The following NCOA2 variants were observed in gnomAD, a reference collection of about 807,000 sequenced individuals.
NCOA2 encodes nuclear receptor coactivator 2, also known as class E basic helix-loop-helix protein 75.
A neutral mutation model predicts 145.1 loss-of-function variants in NCOA2; 21 were observed. The observed-to-expected ratio is 0.14, with a 90% CI of 0.10 to 0.21. NCOA2 has a LOEUF of 0.21. NCOA2 is among the 10% of genes least tolerant of loss of function. NCOA2 has a pLI of 1.00. For synonymous variants in NCOA2, 619 were observed against 637.5 expected (o/e 0.97, Z 0.44); for missense variants, 1,472 against 1,837.6 (o/e 0.80, Z 3.64).
chr8:70,189,886 C>CT, intron 4 of NCOA2, among the ~76,000 whole-genome samples: 1 of 152,284 alleles, frequency 6.6e-6, no homozygotes, highest in East Asian at 1.9e-4. Flanking sequence ...GAAGACTCCA[C>CT]TTGTTTGGAG....
At chr8:70,126,759 G>T in intron 19 of NCOA2, 54 bp downstream of exon 19, 1 of 1,445,428 alleles carries the variant, frequency 6.9e-7, no homozygotes, top group Non-Finnish European at 9.7e-7. Context: ...CCAACACTGG[G>T]GGACACTGGG....
intron 13 of NCOA2, among the ~76,000 whole-genome samples, chr8:70,144,300 C>T (rs563669861): frequency 1.3e-5 from 2 of 152,206 alleles, no homozygotes; most frequent in Middle Eastern, 3.4e-3. Flanking sequence ...ATAATCAATC[C>T]ATAAGTTTTT....
chr8:70,213,792 A>T (rs567198807), intron 4 of NCOA2, 111 bp downstream of exon 4: 121 of 863,542 alleles, frequency 1.4e-4, no homozygotes, highest in Non-Finnish European at 2.0e-4. Context: ...TCATTTCCTC[A>T]TCAATAATTT....
At chr8:70,231,554 C>T (rs1465276031) in intron 2 of NCOA2, among the ~76,000 whole-genome samples, 1 of 152,178 alleles carries the variant, frequency 6.6e-6, no homozygotes, top group Admixed American at 6.6e-5. Flanking sequence ...TGAGGAAAGA[C>T]CCTAGGAGAT....
chr8:70,427,506 G>A, the NCOA2 span, among the ~76,000 whole-genome samples: 6 of 86,552 alleles, frequency 6.9e-5, no homozygotes, highest in East Asian at 8.5e-4. Flanking sequence ...ATTGGTCAGC[G>A]AAATAGTGTT....
At chr8:70,317,593 G>A (rs1406229601) in intron 1 of NCOA2, among the ~76,000 whole-genome samples, 1 of 152,160 alleles carries the variant, frequency 6.6e-6, no homozygotes, top group Non-Finnish European at 1.5e-5. Context: ...GGTCCCAGAA[G>A]CTACAAAATA....
intron 4 of NCOA2, among the ~76,000 whole-genome samples, chr8:70,208,676 A>G (rs780701519): frequency 1.3e-5 from 2 of 152,258 alleles, no homozygotes; most frequent in Non-Finnish European, 2.9e-5. Context: ...TCATAAGAAT[A>G]ATGCTAAATC....
Position 70,112,153 on chromosome 8 carries a change from TAGATA to T in NCOA2, c.*1474_*1478del, listed in dbSNP as rs1466794230. ...TACAGCGGCTGCATATCATATAGATTAGATAAATGACTTATAAGCAGAATCACAAG... is the reference window on the plus strand; with the variant it reads ...TACAGCGGCTGCATATCATATAGATTAATGACTTATAAGCAGAATCACAAG... On this transcript the variant is annotated 3_prime_UTR_variant, in exon 23 of 23. Coordinates refer to ENST00000452400, the MANE Select transcript of NCOA2 (RefSeq NM_006540.4). 1 of 204,696 alleles carries T rather than the reference TAGATA, an allele frequency of 4.9e-6. No individual in the cohort carries two copies. Among genetic ancestry groups the T allele is most frequent in the East Asian group, 7.6e-5 (1 of 13,224 alleles). 12.7% of individuals were successfully genotyped at this position (204,696 alleles called of 1,614,324 possible). A position where few individuals can be genotyped will look rare whatever the true frequency, so the allele number is the denominator to read the frequency against.
chr8:70,415,735 C>A, the NCOA2 span, among the ~76,000 whole-genome samples: 1 of 152,160 alleles, frequency 6.6e-6, no homozygotes, highest in Non-Finnish European at 1.5e-5. Context: ...CTAATTTTAA[C>A]TTTGAGACCT....
At chr8:70,373,779 TTTTAACA>T (rs777005923) in intron 1 of NCOA2, among the ~76,000 whole-genome samples, 14 of 152,204 alleles carry the variant, frequency 9.2e-5, no homozygotes, top group Non-Finnish European at 1.9e-4. Flanking sequence ...TATCCAGTTG[TTTTAACA>T]TCATTTGTTG....
chr8:70,168,597 A>G (rs1021346814), intron 6 of NCOA2, among the ~76,000 whole-genome samples: 4 of 152,230 alleles, frequency 2.6e-5, no homozygotes, highest in African/African-American at 7.2e-5. Flanking sequence ...CTGGGATTAC[A>G]CGGGTGAGCC....
chr8:70,453,940 T>C, the NCOA2 span, among the ~76,000 whole-genome samples: 1 of 152,250 alleles, frequency 6.6e-6, no homozygotes, highest in Non-Finnish European at 1.5e-5. Context: ...GCTATGAGTT[T>C]AGGAGGGTGA....
rs774576238 is a variant in NCOA2 at position 70,335,155 on chromosome 8, A to AAT, written c.-76-38356_-76-38355insAT. Among the ~76,000 whole-genome samples, 232 of 115,340 alleles carry AAT rather than the reference A, an allele frequency of 2.0e-3. 5 individuals carry two copies. The highest frequency in any genetic ancestry group is 0.012 in the East Asian group (44 of 3,656). 75.7% of individuals were successfully genotyped at this position (115,340 alleles called of 152,430 possible). A position where few individuals can be genotyped will look rare whatever the true frequency, so the allele number is the denominator to read the frequency against. On this transcript the variant is annotated intron_variant, in intron 1 of 22. Coordinates refer to ENST00000452400, the MANE Select transcript of NCOA2 (RefSeq NM_006540.4). ...AAAAAAAAAAAAAAAAAAAAAAAAG[A>AAT]TCTCTCCCTATGACCATTTTCTCAG...
At chr8:70,342,660 C>T (rs1480950706) in intron 1 of NCOA2, among the ~76,000 whole-genome samples, 1 of 151,694 alleles carries the variant, frequency 6.6e-6, no homozygotes, top group Non-Finnish European at 1.5e-5. Context: ...CTAGAATGCA[C>T]TAGATATTGC....
intron 2 of NCOA2, among the ~76,000 whole-genome samples, chr8:70,270,748 G>A (rs1824986276): frequency 1.3e-5 from 2 of 152,138 alleles, no homozygotes; most frequent in African/African-American, 2.4e-5. Context: ...AAATATTTGA[G>A]TTGCTCTCAT....
At chr8:70,170,726 G>C (rs889220965) in intron 5 of NCOA2, among the ~76,000 whole-genome samples, 2 of 152,008 alleles carry the variant, frequency 1.3e-5, no homozygotes, top group Non-Finnish European at 1.5e-5. Flanking sequence ...TACTCCACGG[G>C]GCCAAGAACA....
the NCOA2 span, among the ~76,000 whole-genome samples, chr8:70,441,954 GGAAAGAAAGAGAGA>G: frequency 8.3e-6 from 1 of 121,118 alleles, no homozygotes; most frequent in Non-Finnish European, 1.7e-5. Flanking sequence ...AAGAAAGAAA[GGAAAGAAAGAGAGA>G]GAAAGAAAGA....
intron 4 of NCOA2, among the ~76,000 whole-genome samples, chr8:70,191,490 T>C (rs1460718864): frequency 2.0e-5 from 3 of 152,204 alleles, no homozygotes; most frequent in African/African-American, 7.2e-5. Flanking sequence ...TCCTCTGGCA[T>C]AGGGAGCTCC....
chr8:70,284,486 TCTCATGATA>T (rs1826101064), intron 2 of NCOA2, among the ~76,000 whole-genome samples: 1 of 152,190 alleles, frequency 6.6e-6, no homozygotes, highest in African/African-American at 2.4e-5. Flanking sequence ...GGTCTTTAGC[TCTCATGATA>T]CTCATTTGTT....
Sources: gnomAD v4.1 joint callset for allele counts (sites outside exome capture counted in the v4.1 genomes callset) on GRCh38, gnomAD v4.1.1 for gene constraint, MANE v1.5 for transcripts, NCBI Gene and HGNC (gene_info 2026-07-23, HGNC 2026-07-21) for gene names.